MEGF11: variants seen among roughly 807,000 people sequenced by gnomAD.
MEGF11 encodes multiple EGF like domains 11, also known as multiple epidermal growth factor-like domains protein 11.
A neutral mutation model predicts 146.6 loss-of-function variants in MEGF11; 126 were observed. That is an observed-to-expected ratio of 0.86 (90% CI 0.74 to 1.00). The LOEUF is 1.00. Among genes scored for constraint, MEGF11 ranks in the 50% least tolerant of loss-of-function variants. MEGF11 has a pLI of 0.00. For missense variants in MEGF11, 1,509 were observed against 1,521.2 expected (o/e 0.99, Z 0.13); for synonymous variants, 532 against 583.4 (o/e 0.91, Z 1.27).
At chr15:66,134,832 C>T (rs140875774) in intron 1 of MEGF11, among the ~76,000 whole-genome samples, 1 of 152,214 alleles carries the variant, frequency 6.6e-6, no homozygotes, top group African/African-American at 2.4e-5. Context: ...GAACTGGTGC[C>T]GAGAAAAACC....
intron 1 of MEGF11, among the ~76,000 whole-genome samples, chr15:66,181,639 T>C (rs1331297478): frequency 1.3e-5 from 2 of 152,232 alleles, no homozygotes; most frequent in African/African-American, 4.8e-5. Flanking sequence ...TCACTTTCTC[T>C]GTTCTCATTT....
Position 65,915,563 on chromosome 15 carries a change from G to C in MEGF11, c.2380C>G (p.Gln794Glu). The change falls in exon 19 of 26, where the codon CAG becomes GAG. Residue 794 changes from glutamine (Q) to glutamate (E), a missense_variant. Coordinates refer to ENST00000395614, the MANE Select transcript of MEGF11 (RefSeq NM_001385028.1). ...GAGTTGTTCATGCACTCACATAGCT[G>C]CTGACACCCATAGCCAAAGGTTCCT... ...APGTFGYGCQ[Q>E]LCECMNNSTC... The C allele has an allele frequency of 6.2e-7, 1 of 1,613,952 alleles. No individual in the cohort carries two copies. The highest frequency in any genetic ancestry group is 8.5e-7 in the Non-Finnish European group (1 of 1,179,866).
chr15:66,112,639 A>G (rs1347517325), intron 4 of MEGF11, among the ~76,000 whole-genome samples: 2 of 151,086 alleles, frequency 1.3e-5, no homozygotes, highest in Non-Finnish European at 2.9e-5. Context: ...TATACCTCTG[A>G]GAAGCAAAGA....
chr15:66,111,905 AC>A (rs1215257569), intron 4 of MEGF11, among the ~76,000 whole-genome samples: 1 of 152,096 alleles, frequency 6.6e-6, no homozygotes, highest in African/African-American at 2.4e-5. Flanking sequence ...GAGAAAAAAC[AC>A]CCCAAGCCTT....
At chr15:65,964,723 A>G (rs1045318571) in intron 9 of MEGF11, among the ~76,000 whole-genome samples, 185 bp downstream of exon 9, 2 of 152,166 alleles carry the variant, frequency 1.3e-5, no homozygotes, top group African/African-American at 2.4e-5. Flanking sequence ...GACTGTGGCT[A>G]TGTGGCCTTG....
At chr15:66,100,439 T>C (rs922902921) in intron 4 of MEGF11, among the ~76,000 whole-genome samples, 1 of 152,072 alleles carries the variant, frequency 6.6e-6, no homozygotes, top group Non-Finnish European at 1.5e-5. Context: ...GGGTGTAAGG[T>C]CAGAGAACAG....
intron 4 of MEGF11, among the ~76,000 whole-genome samples, chr15:66,112,075 T>TAA (rs10715805): frequency 0.052 from 6,794 of 131,028 alleles, 240 homozygotes; most frequent in Middle Eastern, 0.13. Context: ...GGCTAATAGT[T>TAA]AAAAAAAAAA....
intron 4 of MEGF11, among the ~76,000 whole-genome samples, chr15:66,111,290 T>C (rs190428559): frequency 7.9e-4 from 120 of 152,326 alleles, no homozygotes; most frequent in African/African-American, 2.8e-3. Context: ...TTGAATTAAA[T>C]GTCACAGGGG....
chr15:66,082,277 G>T (rs563781194), intron 5 of MEGF11, among the ~76,000 whole-genome samples: 1 of 151,318 alleles, frequency 6.6e-6, no homozygotes, highest in East Asian at 1.9e-4. Context: ...GTCCTCCCCA[G>T]GCTGCTGGGC....
intron 4 of MEGF11, among the ~76,000 whole-genome samples, chr15:66,118,850 G>A (rs369856200): frequency 2.6e-5 from 4 of 152,172 alleles, no homozygotes; most frequent in Non-Finnish European, 5.9e-5. Flanking sequence ...TTGAACTCAC[G>A]CACTTCCATC....
intron 5 of MEGF11, among the ~76,000 whole-genome samples, chr15:66,070,018 C>T (rs963518618): frequency 1.3e-5 from 2 of 152,274 alleles, no homozygotes; most frequent in Non-Finnish European, 2.9e-5. Context: ...TTAATTAGGG[C>T]GTGGCCTAGG....
At chr15:66,178,838 T>A (rs186172829) in intron 1 of MEGF11, among the ~76,000 whole-genome samples, 1 of 152,054 alleles carries the variant, frequency 6.6e-6, no homozygotes, top group Non-Finnish European at 1.5e-5. Flanking sequence ...AAGAAGTGAT[T>A]CGGAAAAAAG....
At chr15:66,090,034 C>T (rs542787790) in intron 5 of MEGF11, among the ~76,000 whole-genome samples, 1 of 152,336 alleles carries the variant, frequency 6.6e-6, no homozygotes, top group East Asian at 1.9e-4. Flanking sequence ...GTTGGTGTGT[C>T]AGCCCACCAG....
chr15:66,141,289 T>A (rs4776748), intron 1 of MEGF11, among the ~76,000 whole-genome samples: 82,124 of 100,094 alleles, frequency 0.82, 34,411 homozygotes, highest in Non-Finnish European at 0.91. Context: ...TGTGTGTGTG[T>A]GAGAGAGAGA....
intron 10 of MEGF11, among the ~76,000 whole-genome samples, chr15:65,956,908 G>T (rs1185770241): frequency 1.3e-5 from 2 of 152,170 alleles, no homozygotes; most frequent in African/African-American, 4.8e-5. Flanking sequence ...TACACAATTG[G>T]TGGCGGTGTA....
At chr15:66,160,494 A>G (rs1298960795) in intron 1 of MEGF11, among the ~76,000 whole-genome samples, 2 of 152,174 alleles carry the variant, frequency 1.3e-5, no homozygotes, top group African/African-American at 4.8e-5. Context: ...TTGGTTTAAA[A>G]TACTCTAGTT....
At chr15:66,117,398 G>A (rs1348276433) in intron 4 of MEGF11, among the ~76,000 whole-genome samples, 2 of 152,200 alleles carry the variant, frequency 1.3e-5, no homozygotes. Context: ...TAAGGAGTAA[G>A]TCGGAAGGTA....
chr15:66,055,166 T>C (rs1460842946), intron 5 of MEGF11, among the ~76,000 whole-genome samples: 1 of 152,228 alleles, frequency 6.6e-6, no homozygotes, highest in Non-Finnish European at 1.5e-5. Flanking sequence ...ACAAGATTCG[T>C]GGTCAAACTG....
rs534416084 is a variant in MEGF11, at chr15:66,098,252, C to A, written c.302-3758G>T. 4.6e-5 allele frequency among the ~76,000 whole-genome samples: 7 copies of A among 152,236 alleles called. No individual in the cohort carries two copies. The East Asian group carries it at 1.4e-3, about 29-fold the overall frequency. On this transcript the variant is annotated intron_variant, in intron 4 of 25. Coordinates refer to ENST00000395614, the MANE Select transcript of MEGF11 (RefSeq NM_001385028.1). ...GGTGTGTGTGCGTCAGACTTGGGGT[C>A]TCCTCTGCAATCAAGCTGCTCAGAT... is the stretch of plus-strand genomic sequence containing the variant.
Sources: allele counts gnomAD v4.1 joint callset (sites outside exome capture counted in the v4.1 genomes callset), GRCh38; gene constraint gnomAD v4.1.1; transcripts MANE v1.5; gene names NCBI Gene and HGNC (gene_info 2026-07-23, HGNC 2026-07-21).